The following CDH13 variants were observed in gnomAD, a reference collection of about 807,000 sequenced individuals.
CDH13 encodes cadherin 13, also known as cadherin-13.
Under a neutral mutation model 63.8 loss-of-function variants are expected in CDH13, and 24 were observed. The ratio of observed to expected loss-of-function variants is 0.38; its 90% CI spans 0.27 to 0.53. CDH13 has a LOEUF of 0.53. Among genes scored for constraint, CDH13 ranks in the 20% least tolerant of loss-of-function variants. The probability of loss-of-function intolerance (pLI) is 0.85; values close to 1 mark genes in which losing one functional copy is unlikely to be tolerated. For synonymous variants in CDH13, 503 were observed against 355.3 expected, an observed-to-expected ratio of 1.42 and a Z score of -4.67; for missense variants, 1,049 against 903.1, an observed-to-expected ratio of 1.16 and a Z score of -2.07.
intron 8 of CDH13, among the ~76,000 whole-genome samples, chr16:83,648,367 G>A (rs1912038713): frequency 6.6e-6 from 1 of 152,172 alleles, no homozygotes; most frequent in Non-Finnish European, 1.5e-5. Flanking sequence ...AAGTTTGTGT[G>A]ATGCAGTGAT....
At chr16:83,237,658 C>T (rs750971613) in intron 5 of CDH13, among the ~76,000 whole-genome samples, 3 of 152,188 alleles carry the variant, frequency 2.0e-5, no homozygotes, top group Admixed American at 6.5e-5. Flanking sequence ...TTTAGCATCA[C>T]GTGGGCCTAT....
chr16:82,630,232 C>G (rs1162149604), intron 1 of CDH13, among the ~76,000 whole-genome samples: 3 of 152,122 alleles, frequency 2.0e-5, no homozygotes, highest in Non-Finnish European at 4.4e-5. Flanking sequence ...GCCCCCTCCC[C>G]CCCTAGGGTC....
At chr16:83,138,908 C>T (rs1216268908) in intron 4 of CDH13, among the ~76,000 whole-genome samples, 1 of 152,114 alleles carries the variant, frequency 6.6e-6, no homozygotes, top group East Asian at 1.9e-4. Context: ...GCAACACTGG[C>T]AAGCAAGTGG....
chr16:83,037,660 T>C (rs1039763826), intron 3 of CDH13, among the ~76,000 whole-genome samples: 12 of 152,268 alleles, frequency 7.9e-5, no homozygotes, highest in African/African-American at 2.9e-4. Flanking sequence ...TTTATAGAGA[T>C]GTCCAGGAGT....
intron 3 of CDH13, among the ~76,000 whole-genome samples, chr16:83,113,533 C>T (rs1370475194): frequency 6.6e-6 from 1 of 152,222 alleles, no homozygotes; most frequent in Non-Finnish European, 1.5e-5. Context: ...TAGAGTCTGC[C>T]CTTACGGAGC....
intron 12 of CDH13, among the ~76,000 whole-genome samples, chr16:83,782,171 T>G (rs370714428): frequency 2.7e-5 from 4 of 150,764 alleles, no homozygotes; most frequent in Admixed American, 6.6e-5. Flanking sequence ...TGTCTCACAG[T>G]TTTTTTTTCT....
chr16:83,517,463 TGCAGCATGTGGA>T (rs1343863705), intron 7 of CDH13, among the ~76,000 whole-genome samples: 1 of 152,198 alleles, frequency 6.6e-6, no homozygotes, highest in African/African-American at 2.4e-5. Flanking sequence ...TCTGCCAGCT[TGCAGCATGTGGA>T]GCACTGGCCT....
chr16:83,657,383 T>G (rs1207279631), intron 8 of CDH13, among the ~76,000 whole-genome samples: 4 of 152,170 alleles, frequency 2.6e-5, no homozygotes, highest in Admixed American at 2.6e-4. Flanking sequence ...TTCAGGGATC[T>G]CTACTCTGAT....
intron 5 of CDH13, among the ~76,000 whole-genome samples, chr16:83,328,768 G>A (rs1481230630): frequency 2.0e-5 from 3 of 152,068 alleles, no homozygotes; most frequent in Non-Finnish European, 4.4e-5. Flanking sequence ...CTCAGGCATT[G>A]TACCAACATT....
Position 83,347,791 on chromosome 16 carries a change from C to A in CDH13, c.781+2785C>A, listed in dbSNP as rs771140145. On this transcript the variant is annotated intron_variant, in intron 6 of 13. Transcript: ENST00000567109. ...AGAGGCTGCCACATCTGCCTTAATT[C>A]TCTGCAAATTCTGGCCACATCTGCA... Among the ~76,000 whole-genome samples, 7 of 152,344 alleles carry A rather than the reference C, an allele frequency of 4.6e-5. No homozygotes were observed. In the East Asian group the frequency reaches 1.3e-3, roughly 29 times the overall value.
intron 2 of CDH13, among the ~76,000 whole-genome samples, chr16:82,895,524 A>G (rs934566580): frequency 6.6e-6 from 1 of 152,166 alleles, no homozygotes; most frequent in Admixed American, 6.5e-5. Context: ...TTGACACACA[A>G]TTACCAACCA....
At chr16:83,254,108 C>T (rs769793075) in intron 5 of CDH13, among the ~76,000 whole-genome samples, 10 of 152,162 alleles carry the variant, frequency 6.6e-5, no homozygotes, top group African/African-American at 2.2e-4. Context: ...ACAGATAACA[C>T]TCCGAAGTGT....
In CDH13 at chr16:83,780,816, C is replaced by T. The variant is rs543942628; in HGVS notation, c.1915+615C>T. Among the ~76,000 whole-genome samples, 9 of 152,352 alleles carry T rather than the reference C, an allele frequency of 5.9e-5. No homozygotes were observed. In the South Asian group the frequency reaches 1.9e-3, roughly 32 times the overall value. On this transcript the variant is annotated intron_variant, in intron 12 of 13. Transcript: ENST00000567109. ...TGAAAAGATAGGAGTCTCTGCTTCT[C>T]CCCAGCTATCTCTTGGCTCAGCTGT...
intron 4 of CDH13, among the ~76,000 whole-genome samples, chr16:83,127,575 C>G (rs2035867623): frequency 6.6e-6 from 1 of 151,856 alleles, no homozygotes; most frequent in Non-Finnish European, 1.5e-5. Flanking sequence ...ACTAAAAATA[C>G]AAAAATTAGC....
In CDH13 at chr16:82,727,426, A is replaced by G. The variant is rs375463785; in HGVS notation, c.45+100289A>G. 18 of 151,986 alleles carry G rather than the reference A, an allele frequency of 1.2e-4. No individual in the cohort carries two copies. The East Asian group carries it at 2.5e-3, about 21-fold the overall frequency. 9.4% of individuals were successfully genotyped at this position (151,986 alleles called of 1,614,324 possible). A position where few individuals can be genotyped will look rare whatever the true frequency, so the allele number is the denominator to read the frequency against. On this transcript the variant is annotated intron_variant, in intron 1 of 13. Coordinates refer to ENST00000567109, the MANE Select transcript of CDH13 (RefSeq NM_001257.5). ...AATGTCTGTGATGCACTTAGCAGCCACCGCAGCTTCTAACCAGTAACCATT... is the reference window on the plus strand; with the variant it reads ...AATGTCTGTGATGCACTTAGCAGCCGCCGCAGCTTCTAACCAGTAACCATT...
At chr16:83,578,991 G>C (rs1277340584) in intron 7 of CDH13, among the ~76,000 whole-genome samples, 1 of 152,240 alleles carries the variant, frequency 6.6e-6, no homozygotes, top group Non-Finnish European at 1.5e-5. Flanking sequence ...GTCTGTTCCT[G>C]TTATGAAAAG....
intron 4 of CDH13, among the ~76,000 whole-genome samples, chr16:83,142,064 G>A (rs7195685): frequency 0.051 from 7,791 of 152,102 alleles, 665 homozygotes; most frequent in African/African-American, 0.18. Context: ...TTTGTTTGGG[G>A]AGAACAACGG....
chr16:83,059,940 C>T (rs371963676), intron 3 of CDH13, among the ~76,000 whole-genome samples: 1 of 151,706 alleles, frequency 6.6e-6, no homozygotes. Context: ...ACTACAGGTG[C>T]CCGCCAGCAC....
At chr16:83,022,306 T>A (rs1298556873) in intron 2 of CDH13, among the ~76,000 whole-genome samples, 1 of 152,188 alleles carries the variant, frequency 6.6e-6, no homozygotes, top group African/African-American at 2.4e-5. Context: ...TTTTTCCAAG[T>A]AGGCAAGGAA....
Sources: gnomAD v4.1 joint callset for allele counts (sites outside exome capture counted in the v4.1 genomes callset) on GRCh38, gnomAD v4.1.1 for gene constraint, MANE v1.5 for transcripts, NCBI Gene and HGNC (gene_info 2026-07-23, HGNC 2026-07-21) for gene names.